Variants in RELN observed in about 807,000 individuals in gnomAD.
RELN encodes reelin.
In RELN, 108 loss-of-function variants were observed where a neutral mutation model predicts 427.6. The ratio of observed to expected loss-of-function variants is 0.25; its 90% CI spans 0.22 to 0.30. The LOEUF (loss-of-function observed/expected upper bound fraction) is 0.30. RELN is among the 10% of genes least tolerant of loss of function. The pLI is 1.00. For missense variants in RELN, 3,715 were observed against 4,302.8 expected, an observed-to-expected ratio of 0.86 and a Z score of 3.82; for synonymous variants, 1,524 against 1,513.4, an observed-to-expected ratio of 1.01 and a Z score of -0.16.
At position 103,496,512 on chromosome 7, in the gene RELN, G is replaced by A. The variant is rs754680418; in HGVS notation, c.9193+14C>T. On this transcript the variant is annotated intron_variant, in intron 56 of 64. Coordinates refer to ENST00000428762, the MANE Select transcript of RELN (RefSeq NM_005045.4). ...CTCACAGGAAAGAAAATTGTTCAAT[G>A]TCTTGTTTCTTACCATCATCAAAAG... The A allele has an allele frequency of 1.9e-6, 3 of 1,614,054 alleles. No homozygotes were observed. Among genetic ancestry groups the A allele is most frequent in the South Asian group, 1.1e-5 (1 of 91,080 alleles).
chr7:103,871,976 T>C (rs919496443), intron 2 of RELN, among the ~76,000 whole-genome samples: 5 of 150,894 alleles, frequency 3.3e-5, no homozygotes, highest in Non-Finnish European at 7.4e-5. Flanking sequence ...ATTATTCACA[T>C]GATCACTTAT....
chr7:103,591,714 G>C (rs1228732186), intron 27 of RELN, among the ~76,000 whole-genome samples: 1 of 152,104 alleles, frequency 6.6e-6, no homozygotes, highest in Non-Finnish European at 1.5e-5. Flanking sequence ...CATGATTGCT[G>C]TTGTTTCTAA....
At chr7:103,529,627 C>T (rs1374115175) in intron 46 of RELN, among the ~76,000 whole-genome samples, 1 of 152,014 alleles carries the variant, frequency 6.6e-6, no homozygotes, top group African/African-American at 2.4e-5. Context: ...TCCTCTCTTC[C>T]TTTTCAGTCT....
At chr7:103,972,404 A>G (rs1796782289) in intron 1 of RELN, among the ~76,000 whole-genome samples, 1 of 152,244 alleles carries the variant, frequency 6.6e-6, no homozygotes, top group Non-Finnish European at 1.5e-5. Context: ...GGTCCTGAGA[A>G]CTACGTGAAA....
chr7:103,502,488 AATCACCT>A lies in RELN; in HGVS notation c.8489+521_8489+527del, dbSNP rs1829066087. Among the ~76,000 whole-genome samples, 19 of 152,348 alleles carry A rather than the reference AATCACCT, an allele frequency of 1.2e-4. 1 individual carries two copies. The highest frequency in any genetic ancestry group is 7.2e-4 in the Admixed American group (11 of 15,302). ...CCACAGACTTTGCAGAGCAAGGTTT[AATCACCT>A]CTGCTCATCACTGGTCCAGGCTAAT... On this transcript the variant is annotated intron_variant, in intron 52 of 64. Transcript: ENST00000428762.
intron 11 of RELN, among the ~76,000 whole-genome samples, chr7:103,671,362 T>C (rs1346254357): frequency 6.6e-6 from 1 of 152,138 alleles, no homozygotes; most frequent in African/African-American, 2.4e-5. Flanking sequence ...TTTTATGACA[T>C]GCATGTTTAT....
intron 12 of RELN, among the ~76,000 whole-genome samples, chr7:103,660,894 T>A (rs774993329): frequency 6.6e-6 from 1 of 152,194 alleles, no homozygotes; most frequent in Non-Finnish European, 1.5e-5. Flanking sequence ...TATGAACACA[T>A]GTTTTTCTTA....
chr7:103,518,349 T>A (rs1004166307), intron 49 of RELN, among the ~76,000 whole-genome samples: 18 of 44,564 alleles, frequency 4.0e-4, no homozygotes, highest in South Asian at 2.8e-3. Flanking sequence ...TTTTTTTTTT[T>A]AAAGATGCGG....
chr7:103,646,571 G>A (rs1215079863), intron 16 of RELN, among the ~76,000 whole-genome samples: 2 of 151,854 alleles, frequency 1.3e-5, no homozygotes, highest in Admixed American at 6.6e-5. Context: ...ATTGAAGCAG[G>A]AAGAAATAGA....
At chr7:103,868,215 C>T (rs1408271849) in intron 2 of RELN, among the ~76,000 whole-genome samples, 1 of 151,998 alleles carries the variant, frequency 6.6e-6, no homozygotes, top group African/African-American at 2.4e-5. Flanking sequence ...ATATTGGGAA[C>T]CAATTTGGAA....
At position 103,573,695 on chromosome 7, in the gene RELN, A is replaced by G. The variant is rs1830933460; in HGVS notation, c.4511+397T>C. Among the ~76,000 whole-genome samples the G allele has an allele frequency of 2.0e-5, 3 of 152,228 alleles. No homozygotes were observed. The South Asian group carries it at 6.2e-4, about 31-fold the overall frequency. On this transcript the variant is annotated intron_variant, in intron 30 of 64. Transcript: ENST00000428762. The surrounding 1 kb of genome is among the most constrained non-coding windows in gnomAD (Gnocchi z 4.4). ...TTAAAATTTCTGGGGACCATTTTCA[A>G]TAAGTGAATACAAATCAACTTAGAT...
At chr7:103,520,064 T>C (rs13227645) in intron 48 of RELN, among the ~76,000 whole-genome samples, 1 of 152,238 alleles carries the variant, frequency 6.6e-6, no homozygotes, top group East Asian at 1.9e-4. Context: ...TTTCCTTTTT[T>C]TTAATATGAA....
intron 2 of RELN, among the ~76,000 whole-genome samples, chr7:103,902,771 G>A (rs1441922584): frequency 1.3e-5 from 2 of 151,996 alleles, no homozygotes; most frequent in Non-Finnish European, 2.9e-5. Flanking sequence ...AGACAAAAGT[G>A]GAAACAGAAC....
At chr7:103,697,261 A>G (rs1233327649) in intron 10 of RELN, among the ~76,000 whole-genome samples, 1 of 152,090 alleles carries the variant, frequency 6.6e-6, no homozygotes, top group African/African-American at 2.4e-5. Flanking sequence ...GGATTTCAAC[A>G]TATGAATTCT....
Position 103,986,133 on chromosome 7 carries a change from C to T in RELN, c.226+2998G>A, listed in dbSNP as rs541268156. Among the ~76,000 whole-genome samples the T allele has an allele frequency of 4.6e-5, 7 of 152,274 alleles. No homozygotes were observed. In the East Asian group the frequency reaches 7.7e-4, roughly 17 times the overall value. ...AACATGATGTATAGAGACCTCCTTT[C>T]GCTGAGCTTCTACATTGTGGTATAC... On this transcript the variant is annotated intron_variant, in intron 1 of 64. Coordinates refer to ENST00000428762, the MANE Select transcript of RELN (RefSeq NM_005045.4).
chr7:103,783,306 T>C (rs1791941018), intron 3 of RELN, among the ~76,000 whole-genome samples: 1 of 151,940 alleles, frequency 6.6e-6, no homozygotes, highest in Non-Finnish European at 1.5e-5. Flanking sequence ...AATTTGGGGA[T>C]ATATATTGAT....
In RELN at chr7:103,507,312, C is replaced by T. The variant is rs185580423; in HGVS notation, c.8274+3539G>A. ...AAACTCCTCAGCAAATGCAAAAGAGCGGAAATCATAACAAACTGTCTCTCA... is the reference window on the plus strand; with the variant it reads ...AAACTCCTCAGCAAATGCAAAAGAGTGGAAATCATAACAAACTGTCTCTCA... On this transcript the variant is annotated intron_variant, in intron 51 of 64. Coordinates refer to ENST00000428762, the MANE Select transcript of RELN (RefSeq NM_005045.4). 7.9e-5 allele frequency among the ~76,000 whole-genome samples: 12 copies of T among 152,216 alleles called. 1 individual carries two copies. The highest frequency in any genetic ancestry group is 7.7e-4 in the East Asian group (4 of 5,182).
At chr7:103,502,348 T>C (rs2528856) in intron 52 of RELN, among the ~76,000 whole-genome samples, 58,943 of 152,202 alleles carry the variant, frequency 0.39, 12,127 homozygotes, top group East Asian at 0.58. Context: ...TCACAAGATT[T>C]GTTTAGTCAG....
chr7:103,868,957 T>G (rs1418439017), intron 2 of RELN, among the ~76,000 whole-genome samples: 1 of 152,136 alleles, frequency 6.6e-6, no homozygotes, highest in African/African-American at 2.4e-5. Flanking sequence ...GCACTTCTTG[T>G]GACAAGATAC....
Sources: gnomAD v4.1 joint callset for allele counts (sites outside exome capture counted in the v4.1 genomes callset) on GRCh38, gnomAD v4.1.1 for gene constraint, Gnocchi (gnomAD v3.1) non-coding constraint, MANE v1.5 for transcripts, NCBI Gene and HGNC (gene_info 2026-07-23, HGNC 2026-07-21) for gene names.